The following GSK3B variants were observed in gnomAD, a reference collection of about 807,000 sequenced individuals.
The protein encoded by GSK3B is glycogen synthase kinase-3 beta.
In GSK3B, 15 loss-of-function variants were observed where a neutral mutation model predicts 56.4. That is an observed-to-expected ratio of 0.27 (90% CI 0.18 to 0.41). The LOEUF (loss-of-function observed/expected upper bound fraction) is 0.41, where lower values mean the gene tolerates loss of function less well. Ranked by LOEUF, GSK3B falls within the 10% of genes least tolerant of loss-of-function variation. GSK3B has a pLI of 1.00. For synonymous variants in GSK3B, 181 were observed against 188.9 expected (o/e 0.96, Z 0.34); for missense variants, 300 against 513.4 (o/e 0.58, Z 4.02).
intron 4 of GSK3B, among the ~76,000 whole-genome samples, chr3:119,920,188 A>G (rs2056825725): frequency 6.6e-6 from 1 of 152,232 alleles, no homozygotes; most frequent in Non-Finnish European, 1.5e-5. Context: ...AATCTATAAT[A>G]AAAGTAAACT....
chr3:119,822,165 TACAG>T lies in GSK3B; in HGVS notation c.*4619_*4622del, dbSNP rs2055419072. 1 of 192,652 alleles carries T rather than the reference TACAG, an allele frequency of 5.2e-6. No individual in the cohort carries two copies. The highest frequency in any genetic ancestry group is 6.2e-5 in the Admixed American group (1 of 16,254). The allele number at this position is 192,652 out of a possible 1,614,324, so 11.9% of individuals were successfully genotyped here. ...AGGCATTCAAGTAGTAATAATGTTA[TACAG>T]ATTTTGCTTTTCCTTTATATCAAGA... On this transcript the variant is annotated 3_prime_UTR_variant, in exon 11 of 11. Coordinates refer to ENST00000264235, the MANE Select transcript of GSK3B (RefSeq NM_001146156.2).
At chr3:120,005,725 C>G (rs2057721326) in intron 1 of GSK3B, among the ~76,000 whole-genome samples, 2 of 152,250 alleles carry the variant, frequency 1.3e-5, no homozygotes, top group South Asian at 4.1e-4. Context: ...CAAGCAAATG[C>G]TGAGAGATTT....
At chr3:120,084,626 C>T (rs1190426473) in intron 1 of GSK3B, 3 of 152,222 alleles carry the variant, frequency 2.0e-5, no homozygotes, top group Non-Finnish European at 4.4e-5. Flanking sequence ...CTCTGCGCCT[C>T]TGATCTCTCA....
intron 1 of GSK3B, among the ~76,000 whole-genome samples, chr3:120,008,008 C>T (rs2057744668): frequency 6.6e-6 from 1 of 152,070 alleles, no homozygotes. Flanking sequence ...CCAAACACTC[C>T]TTAAGCTGAT....
At chr3:120,000,918 C>CTTTTT (rs71156781) in intron 2 of GSK3B, among the ~76,000 whole-genome samples, 57 of 91,046 alleles carry the variant, frequency 6.3e-4, no homozygotes, top group African/African-American at 1.8e-3. Context: ...ATGTAATCTC[C>CTTTTT]TTTTTTTTTT....
chr3:119,967,820 T>TCTCTCTC (rs2057331857), intron 2 of GSK3B, among the ~76,000 whole-genome samples: 1 of 89,670 alleles, frequency 1.1e-5, no homozygotes, highest in African/African-American at 4.6e-5. Context: ...CTCCCTCCCT[T>TCTCTCTC]TCTCTCTTTC....
At chr3:119,904,121 A>G (rs1430918336) in intron 7 of GSK3B, among the ~76,000 whole-genome samples, 2 of 152,082 alleles carry the variant, frequency 1.3e-5, no homozygotes, top group Non-Finnish European at 2.9e-5. Flanking sequence ...TATACCTCTA[A>G]CTTCATCAAT....
intron 3 of GSK3B, among the ~76,000 whole-genome samples, chr3:119,935,110 A>T (rs529701855): frequency 6.6e-6 from 1 of 152,092 alleles, no homozygotes; most frequent in Non-Finnish European, 1.5e-5. Context: ...CAAACTCAAG[A>T]GCTTTATTAT....
chr3:119,892,444 A>G (rs2108066539), intron 7 of GSK3B, among the ~76,000 whole-genome samples: 1 of 152,284 alleles, frequency 6.6e-6, no homozygotes, highest in East Asian at 1.9e-4. Context: ...ATTCAGCTCA[A>G]TGGTTAGCTC....
chr3:119,910,282 C>A (rs1386748844), intron 6 of GSK3B, among the ~76,000 whole-genome samples: 1 of 152,044 alleles, frequency 6.6e-6, no homozygotes, highest in African/African-American at 2.4e-5. Context: ...AAATTCTATA[C>A]AGGCATACGT....
At chr3:120,071,239 G>C (rs896210779) in intron 1 of GSK3B, among the ~76,000 whole-genome samples, 5 of 152,180 alleles carry the variant, frequency 3.3e-5, no homozygotes, top group Admixed American at 3.3e-4. Flanking sequence ...CAGATTCTGT[G>C]ATCACTCTTT....
At position 120,002,201 on chromosome 3, in the gene GSK3B, T is replaced by C. The variant is rs771162975; in HGVS notation, c.127A>G (p.Thr43Ala). ...DGSKVTTVVA[T>A]PGQGPDRPQE... ...GGCCTGTCTGGACCCTGCCCAGGAG[T>C]TGCCACCACTGTTGTCACCTTGCTG... Residue 43 changes from threonine (T) to alanine (A), a missense_variant, in exon 2 of 11, where the codon ACT becomes GCT. Thr to Ala is a moderately conservative substitution (Grantham distance 58). Transcript: ENST00000264235. 2 of 1,588,286 alleles carry C rather than the reference T, an allele frequency of 1.3e-6. No homozygotes were observed. Among genetic ancestry groups the C allele is most frequent in the South Asian group, 1.2e-5 (1 of 85,478 alleles).
intron 1 of GSK3B, among the ~76,000 whole-genome samples, chr3:120,033,464 A>G (rs1012826493): frequency 3.3e-5 from 5 of 152,196 alleles, no homozygotes; most frequent in Non-Finnish European, 5.9e-5. Context: ...CAATTTCTCC[A>G]TATCCTAACA....
intron 2 of GSK3B, among the ~76,000 whole-genome samples, chr3:119,984,772 T>C (rs1276646518): frequency 2.0e-5 from 3 of 151,658 alleles, no homozygotes; most frequent in Non-Finnish European, 4.4e-5. Context: ...AAAGAGGAGC[T>C]GGCACCATTC....
At chr3:119,966,984 C>T (rs914381793) in intron 2 of GSK3B, among the ~76,000 whole-genome samples, 30 of 152,062 alleles carry the variant, frequency 2.0e-4, no homozygotes, top group African/African-American at 7.2e-4. Flanking sequence ...TAAATAAAGA[C>T]AATCTATAAT....
At chr3:119,904,958 GTTT>G (rs74674739) in intron 7 of GSK3B, among the ~76,000 whole-genome samples, 6 of 137,792 alleles carry the variant, frequency 4.4e-5, no homozygotes, top group Non-Finnish European at 9.5e-5. Flanking sequence ...TAGACACTAG[GTTT>G]TTTTTTTTTT....
chr3:119,860,343 T>C (rs2056086049), intron 9 of GSK3B, among the ~76,000 whole-genome samples: 1 of 152,208 alleles, frequency 6.6e-6, no homozygotes, highest in Non-Finnish European at 1.5e-5. Context: ...AAAGGTTTAT[T>C]CCAATTTCCA....
At chr3:119,979,675 T>C (rs2057442084) in intron 2 of GSK3B, among the ~76,000 whole-genome samples, 1 of 152,212 alleles carries the variant, frequency 6.6e-6, no homozygotes, top group Admixed American at 6.5e-5. Flanking sequence ...GGAAAAGGTT[T>C]TCCCCCAGTT....
In GSK3B at chr3:119,821,417, G is replaced by C. The variant is rs1201698088; in HGVS notation, c.*5371C>G. The C allele has an allele frequency of 1.3e-5, 2 of 152,152 alleles. No homozygotes were observed. Among genetic ancestry groups the C allele is most frequent in the Admixed American group, 1.3e-4 (2 of 15,268 alleles). 9.4% of individuals were successfully genotyped at this position (152,152 alleles called of 1,614,324 possible). On this transcript the variant is annotated 3_prime_UTR_variant, in exon 11 of 11. Coordinates refer to ENST00000264235, the MANE Select transcript of GSK3B (RefSeq NM_001146156.2). ...CAGAGTGAGCCAGCCCTAAAAAAATGATGTTTCTTTTTGCACTAAGAGACA... is the reference window on the plus strand; with the variant it reads ...CAGAGTGAGCCAGCCCTAAAAAAATCATGTTTCTTTTTGCACTAAGAGACA...
Sources: allele counts gnomAD v4.1 joint callset (sites outside exome capture counted in the v4.1 genomes callset), GRCh38; gene constraint gnomAD v4.1.1; transcripts MANE v1.5; gene names NCBI Gene and HGNC (gene_info 2026-07-23, HGNC 2026-07-21).